Variants in SLC1A3 observed in about 807,000 individuals in gnomAD.
The protein encoded by SLC1A3 is solute carrier family 1 member 3.
A neutral mutation model predicts 48.1 loss-of-function variants in SLC1A3; 21 were observed. The observed-to-expected ratio is 0.44, with a 90% CI of 0.31 to 0.63. The LOEUF (loss-of-function observed/expected upper bound fraction) is 0.63, where lower values mean the gene tolerates loss of function less well. SLC1A3 is among the 20% of genes least tolerant of loss of function. The pLI is 0.08. For synonymous variants in SLC1A3, 239 were observed against 251.4 expected, an observed-to-expected ratio of 0.95 and a Z score of 0.47; for missense variants, 546 against 689.0, an observed-to-expected ratio of 0.79 and a Z score of 2.32.
intron 3 of SLC1A3, 157 bp from the exon 4 acceptor site, chr5:36,670,872 T>G: frequency 1.4e-6 from 1 of 700,712 alleles, no homozygotes; most frequent in Non-Finnish European, 2.5e-6. Flanking sequence ...TCCCTTCACC[T>G]TGTGAGATTT....
rs890411796 is a variant in SLC1A3 at position 36,609,370 on chromosome 5, G to C, written c.181+766G>C. 1.8e-5 allele frequency: 10 copies of C among 550,352 alleles called. No individual in the cohort carries two copies. In the African/African-American group the frequency reaches 2.1e-4, roughly 11 times the overall value. The allele number at this position is 550,352 out of a possible 1,614,324, so 34.1% of individuals were successfully genotyped here. ...ATAGCTGAAAAAACCTACTTATTTGGAATTTTTGACCAAACCAATACAGAA... is the reference window on the plus strand; with the variant it reads ...ATAGCTGAAAAAACCTACTTATTTGCAATTTTTGACCAAACCAATACAGAA... On this transcript the variant is annotated intron_variant, in intron 2 of 9. Coordinates refer to ENST00000265113, the MANE Select transcript of SLC1A3 (RefSeq NM_004172.5).
At chr5:36,613,133 C>T (rs1284635684) in intron 2 of SLC1A3, 5 of 252,550 alleles carry the variant, frequency 2.0e-5, no homozygotes, top group Admixed American at 1.0e-4. Flanking sequence ...GTTTGTGGGG[C>T]GGGATGCCAC....
intron 3 of SLC1A3, among the ~76,000 whole-genome samples, chr5:36,654,485 C>T (rs917409948): frequency 6.6e-6 from 1 of 152,134 alleles, no homozygotes; most frequent in African/African-American, 2.4e-5. Flanking sequence ...ACAAATGCTG[C>T]AGCCTCCCTA....
At chr5:36,665,442 C>A (rs886249884) in intron 3 of SLC1A3, among the ~76,000 whole-genome samples, 2 of 152,194 alleles carry the variant, frequency 1.3e-5, no homozygotes, top group African/African-American at 4.8e-5. Flanking sequence ...TATCAAGGAC[C>A]TACTTTGTAC....
At chr5:36,622,190 G>T (rs1214598304) in intron 2 of SLC1A3, among the ~76,000 whole-genome samples, 2 of 152,150 alleles carry the variant, frequency 1.3e-5, no homozygotes, top group Non-Finnish European at 2.9e-5. Context: ...CAAACAGCTG[G>T]CTGGCTCATC....
At chr5:36,656,466 T>C (rs1437099275) in intron 3 of SLC1A3, among the ~76,000 whole-genome samples, 4 of 152,252 alleles carry the variant, frequency 2.6e-5, no homozygotes, top group African/African-American at 9.6e-5. Context: ...ATGAGCTAAA[T>C]ATTTTTCATA....
chr5:36,603,059 A>C (rs12189401), upstream of SLC1A3, among the ~76,000 whole-genome samples: 10,294 of 152,252 alleles, frequency 0.068, 461 homozygotes, highest in East Asian at 0.26. Flanking sequence ...TAGTCACTTC[A>C]AGGCTTTGCA....
intron 3 of SLC1A3, among the ~76,000 whole-genome samples, chr5:36,643,658 G>A (rs1166678627): frequency 1.3e-5 from 2 of 152,108 alleles, no homozygotes; most frequent in African/African-American, 4.8e-5. Context: ...CCTTACTGTA[G>A]TTAACACCTG....
intron 3 of SLC1A3, among the ~76,000 whole-genome samples, chr5:36,651,165 A>G (rs1425203625): frequency 7.9e-6 from 1 of 127,056 alleles, no homozygotes; most frequent in Non-Finnish European, 1.7e-5. Flanking sequence ...AAAAAAAAAA[A>G]AGGAAATATA....
intron 2 of SLC1A3, among the ~76,000 whole-genome samples, chr5:36,619,279 A>C (rs998094711): frequency 2.0e-5 from 3 of 152,214 alleles, no homozygotes; most frequent in Non-Finnish European, 4.4e-5. Flanking sequence ...CAGAAACAAA[A>C]GACCAGGGAC....
At chr5:36,667,032 C>A (rs566573374) in intron 3 of SLC1A3, among the ~76,000 whole-genome samples, 1 of 152,310 alleles carries the variant, frequency 6.6e-6, no homozygotes, top group East Asian at 1.9e-4. Flanking sequence ...CAGTCTCCTT[C>A]TGATGCTTAA....
intron 2 of SLC1A3, among the ~76,000 whole-genome samples, chr5:36,623,787 C>A (rs995764191): frequency 6.6e-6 from 1 of 151,428 alleles, no homozygotes; most frequent in Non-Finnish European, 1.5e-5. Context: ...TCGCTTGAAC[C>A]CAGAGGCAGA....
intron 3 of SLC1A3, among the ~76,000 whole-genome samples, chr5:36,644,975 T>A (rs10512661): frequency 0.048 from 7,241 of 152,246 alleles, 610 homozygotes; most frequent in African/African-American, 0.17. Flanking sequence ...AAAAGTGAAG[T>A]GCTGATAACA....
upstream of SLC1A3, among the ~76,000 whole-genome samples, chr5:36,602,461 C>T (rs2731878): frequency 0.25 from 37,576 of 152,102 alleles, 6,646 homozygotes; most frequent in African/African-American, 0.5. Flanking sequence ...AATCAACCTA[C>T]ATAATCTTTT....
chr5:36,602,014 G>C (rs1389524338), upstream of SLC1A3, among the ~76,000 whole-genome samples: 1 of 152,122 alleles, frequency 6.6e-6, no homozygotes, highest in Non-Finnish European at 1.5e-5. Flanking sequence ...AGGGAGAATT[G>C]CAGCACAAAG....
At chr5:36,664,056 G>A (rs1741631652) in intron 3 of SLC1A3, among the ~76,000 whole-genome samples, 1 of 152,180 alleles carries the variant, frequency 6.6e-6, no homozygotes. Flanking sequence ...TCTTGGGTAT[G>A]GTGGACAGCC....
At chr5:36,622,551 T>A (rs978691952) in intron 2 of SLC1A3, among the ~76,000 whole-genome samples, 7 of 152,240 alleles carry the variant, frequency 4.6e-5, no homozygotes, top group African/African-American at 1.7e-4. Flanking sequence ...TTCAATAGTT[T>A]TATCATATTA....
At chr5:36,636,947 G>A (rs1740416453) in intron 3 of SLC1A3, among the ~76,000 whole-genome samples, 1 of 152,140 alleles carries the variant, frequency 6.6e-6, no homozygotes, top group Admixed American at 6.5e-5. Flanking sequence ...TACGAAGTCT[G>A]TCTTCTGTGA....
intron 2 of SLC1A3, among the ~76,000 whole-genome samples, chr5:36,617,811 G>A (rs998829772): frequency 7.9e-5 from 12 of 151,960 alleles, no homozygotes; most frequent in Non-Finnish European, 1.5e-4. Flanking sequence ...TGGACACTTC[G>A]GTTGTTTCCA....
Sources: gnomAD v4.1 joint callset for allele counts (sites outside exome capture counted in the v4.1 genomes callset) on GRCh38, gnomAD v4.1.1 for gene constraint, MANE v1.5 for transcripts, NCBI Gene and HGNC (gene_info 2026-07-23, HGNC 2026-07-21) for gene names.